Variants in SYT1 observed in about 807,000 individuals in gnomAD.
SYT1 encodes synaptotagmin-1.
In SYT1, 8 loss-of-function variants were observed where a neutral mutation model predicts 44.8. The observed-to-expected ratio is 0.18, with a 90% confidence interval of 0.10 to 0.32. The LOEUF is 0.32. SYT1 is among the 10% of genes least tolerant of loss of function. The probability of loss-of-function intolerance (pLI) is 1.00; values close to 1 mark genes in which losing one functional copy is unlikely to be tolerated. For synonymous variants in SYT1, 154 were observed against 188.8 expected (o/e 0.82, Z 1.51); for missense variants, 286 against 509.3 (o/e 0.56, Z 4.22).
intron 8 of SYT1, among the ~76,000 whole-genome samples, chr12:79,320,756 T>A (rs1881320036): frequency 6.6e-6 from 1 of 150,954 alleles, no homozygotes; most frequent in Admixed American, 6.6e-5. Context: ...CCAAGTAGCT[T>A]GGACTATAGG....
intron 3 of SYT1, among the ~76,000 whole-genome samples, chr12:79,098,497 G>A (rs1878274591): frequency 6.6e-6 from 1 of 152,070 alleles, no homozygotes; most frequent in African/African-American, 2.4e-5. Flanking sequence ...TATTATTTAT[G>A]TTACCTCATC....
At chr12:79,173,849 G>A (rs1565838282) in intron 3 of SYT1, among the ~76,000 whole-genome samples, 1 of 152,002 alleles carries the variant, frequency 6.6e-6, no homozygotes, top group East Asian at 1.9e-4. Context: ...CAAGGATAAG[G>A]CAGACATCAT....
intron 3 of SYT1, among the ~76,000 whole-genome samples, chr12:79,120,960 T>C (rs970068704): frequency 1.8e-4 from 26 of 147,154 alleles, no homozygotes; most frequent in African/African-American, 6.5e-4. Flanking sequence ...TATAGATATA[T>C]ATACACACAC....
chr12:78,897,801 T>A (rs1875443674), intron 1 of SYT1, among the ~76,000 whole-genome samples: 1 of 152,074 alleles, frequency 6.6e-6, no homozygotes, highest in Non-Finnish European at 1.5e-5. Context: ...ATTATGTTCA[T>A]TAGAGAATAT....
chr12:78,981,281 C>A (rs1869242938), intron 2 of SYT1, among the ~76,000 whole-genome samples: 1 of 151,900 alleles, frequency 6.6e-6, no homozygotes, highest in Admixed American at 6.6e-5. Flanking sequence ...GCGTGAGCCA[C>A]CACACCCAGC....
chr12:79,418,905 G>T (rs777480727), intron 9 of SYT1, among the ~76,000 whole-genome samples: 4 of 152,052 alleles, frequency 2.6e-5, no homozygotes, highest in Non-Finnish European at 5.9e-5. Flanking sequence ...AACACCTGAG[G>T]CCCCACCCCA....
At position 79,178,270 on chromosome 12, in the gene SYT1, T is replaced by C. The variant is rs577277409; in HGVS notation, c.-17-39233T>C. ...TGAGATTTTTTTATTCTGTGAAGAC[T>C]GTTCTCTTCCTTTTACTTAATAGTA... On this transcript the variant is annotated intron_variant, in intron 3 of 10. Transcript: ENST00000261205. 2.2e-4 allele frequency among the ~76,000 whole-genome samples: 33 copies of C among 152,188 alleles called. 1 individual carries two copies. In the South Asian group the frequency reaches 6.4e-3, roughly 30 times the overall value.
chr12:79,245,114 C>G (rs1876745415), intron 4 of SYT1, among the ~76,000 whole-genome samples: 2 of 152,022 alleles, frequency 1.3e-5, no homozygotes, highest in African/African-American at 4.8e-5. Context: ...ACACTTTGGT[C>G]TTTGCTTGAA....
intron 2 of SYT1, among the ~76,000 whole-genome samples, chr12:79,019,017 C>T (rs1459042585): frequency 3.3e-5 from 5 of 151,952 alleles, no homozygotes; most frequent in Admixed American, 1.3e-4. Context: ...CGTCAAATTC[C>T]TATTGAAAGT....
At chr12:79,229,305 G>A (rs1290809321) in intron 4 of SYT1, among the ~76,000 whole-genome samples, 2 of 152,312 alleles carry the variant, frequency 1.3e-5, no homozygotes, top group East Asian at 1.9e-4. Context: ...CAAACAGTGC[G>A]GTTCTTGTGC....
At chr12:78,874,406 G>A (rs1018006666) in intron 1 of SYT1, among the ~76,000 whole-genome samples, 4 of 151,428 alleles carry the variant, frequency 2.6e-5, no homozygotes, top group Non-Finnish European at 4.4e-5. Context: ...TATAGGTTAG[G>A]TCAATATGAG....
intron 3 of SYT1, among the ~76,000 whole-genome samples, chr12:79,123,319 G>A (rs1296130874): frequency 6.6e-6 from 1 of 150,592 alleles, no homozygotes; most frequent in Non-Finnish European, 1.5e-5. Context: ...ATGTGTGTGT[G>A]TGTGTGTGTG....
chr12:79,380,621 C>T (rs975855009), intron 9 of SYT1, among the ~76,000 whole-genome samples: 1 of 152,192 alleles, frequency 6.6e-6, no homozygotes, highest in Admixed American at 6.5e-5. Flanking sequence ...CTCCTGGCCT[C>T]AAGCAATCCT....
intron 3 of SYT1, among the ~76,000 whole-genome samples, chr12:79,111,653 G>C (rs1307990214): frequency 6.6e-6 from 1 of 151,546 alleles, no homozygotes; most frequent in Non-Finnish European, 1.5e-5. Flanking sequence ...CTATTTTCAT[G>C]ATAAGCCCCT....
At chr12:79,277,492 T>C (rs1211370737) in intron 4 of SYT1, among the ~76,000 whole-genome samples, 1 of 152,082 alleles carries the variant, frequency 6.6e-6, no homozygotes, top group Non-Finnish European at 1.5e-5. Flanking sequence ...ACAATTAGAC[T>C]ACCTCTACAA....
chr12:79,402,425 T>C (rs1197269943), intron 9 of SYT1, among the ~76,000 whole-genome samples: 2 of 152,158 alleles, frequency 1.3e-5, no homozygotes, highest in Non-Finnish European at 2.9e-5. Flanking sequence ...TATCTAGGAT[T>C]GATCAATTCT....
At chr12:78,986,222 A>G (rs964741380) in intron 2 of SYT1, among the ~76,000 whole-genome samples, 3 of 152,030 alleles carry the variant, frequency 2.0e-5, no homozygotes, top group Admixed American at 2.0e-4. Flanking sequence ...TTATAAAAAT[A>G]ATCTCTGTGT....
At chr12:79,434,348 G>C (rs1322527313) in intron 9 of SYT1, among the ~76,000 whole-genome samples, 1 of 151,998 alleles carries the variant, frequency 6.6e-6, no homozygotes, top group Non-Finnish European at 1.5e-5. Flanking sequence ...CCTTTCAACA[G>C]CATTACAGGG....
At chr12:79,409,571 TAGAGA>T (rs1868342833) in intron 9 of SYT1, among the ~76,000 whole-genome samples, 1 of 152,082 alleles carries the variant, frequency 6.6e-6, no homozygotes, top group Non-Finnish European at 1.5e-5. Flanking sequence ...GGCCTAGAGG[TAGAGA>T]AATTTCCAGA....
Sources: allele counts gnomAD v4.1 joint callset (sites outside exome capture counted in the v4.1 genomes callset), GRCh38; gene constraint gnomAD v4.1.1; transcripts MANE v1.5; gene names NCBI Gene and HGNC (gene_info 2026-07-23, HGNC 2026-07-21).